SUMF1: variants seen among roughly 807,000 people sequenced by gnomAD.
SUMF1 encodes sulfatase modifying factor 1, also known as formylglycine-generating enzyme.
Under a neutral mutation model 47.6 loss-of-function variants are expected in SUMF1, and 48 were observed. The ratio of observed to expected loss-of-function variants is 1.01; its 90% CI spans 0.80 to 1.28. SUMF1 has a LOEUF of 1.28. Among genes scored for constraint, SUMF1 ranks in the 50% most tolerant of loss-of-function variants. The probability of loss-of-function intolerance (pLI) is 0.00; values close to 1 mark genes in which losing one functional copy is unlikely to be tolerated. For synonymous variants in SUMF1, 230 were observed against 192.1 expected (o/e 1.20, Z -1.63); for missense variants, 571 against 485.4 (o/e 1.18, Z -1.66).
At chr3:4,218,636 G>A (rs1695992570) in intron 8 of SUMF1, among the ~76,000 whole-genome samples, 1 of 152,124 alleles carries the variant, frequency 6.6e-6, no homozygotes, top group South Asian at 2.1e-4. Flanking sequence ...CTGTGAATGC[G>A]GGCCAGGCCA....
At chr3:4,442,632 AAAAAGGAAAAAAAAAAAAAAGAGAGAG>A (rs1296297877) in intron 3 of SUMF1, among the ~76,000 whole-genome samples, 1,528 of 33,922 alleles carry the variant, frequency 0.045, 15 homozygotes, top group Non-Finnish European at 0.16. Flanking sequence ...GACAAGAGAG[AAAAAGGAAAAAAAAAAAAAAGAGAGAG>A]AAAAAGGAAA....
At chr3:4,405,813 A>C (rs1300419935) in intron 7 of SUMF1, among the ~76,000 whole-genome samples, 1 of 152,234 alleles carries the variant, frequency 6.6e-6, no homozygotes, top group Non-Finnish European at 1.5e-5. Context: ...AACAAACTGA[A>C]TCTCTGGCTA....
chr3:4,123,118 T>C (rs376418112), intron 8 of SUMF1, among the ~76,000 whole-genome samples: 30 of 152,220 alleles, frequency 2.0e-4, no homozygotes, highest in East Asian at 1.4e-3. Flanking sequence ...ATTCAGATAA[T>C]TGATCACAGC....
intron 8 of SUMF1, among the ~76,000 whole-genome samples, chr3:4,096,924 G>A (rs1301734403): frequency 6.6e-6 from 1 of 152,024 alleles, no homozygotes; most frequent in Non-Finnish European, 1.5e-5. Flanking sequence ...AGAGAAACTG[G>A]ATTATTAGGA....
chr3:4,442,052 G>A (rs560216733), intron 3 of SUMF1, among the ~76,000 whole-genome samples: 10 of 152,262 alleles, frequency 6.6e-5, no homozygotes, highest in African/African-American at 2.4e-4. Context: ...TTGGGCAGGA[G>A]AAAGAAAAGA....
intron 8 of SUMF1, among the ~76,000 whole-genome samples, chr3:4,071,230 C>G (rs960670989): frequency 1.3e-5 from 2 of 152,038 alleles, no homozygotes; most frequent in Non-Finnish European, 2.9e-5. Context: ...CCAGCGAGAT[C>G]GACACAGAAG....
intron 8 of SUMF1, among the ~76,000 whole-genome samples, chr3:4,259,769 T>G (rs1403952612): frequency 6.6e-6 from 1 of 152,190 alleles, no homozygotes; most frequent in African/African-American, 2.4e-5. Context: ...TATTACATTT[T>G]TTCAGATTAC....
At chr3:4,084,231 G>C (rs17039806) in intron 8 of SUMF1, among the ~76,000 whole-genome samples, 3,834 of 152,156 alleles carry the variant, frequency 0.025, 189 homozygotes, top group African/African-American at 0.086. Context: ...TGCCAGTCAA[G>C]TCCAGGAAAA....
intron 8 of SUMF1, among the ~76,000 whole-genome samples, chr3:4,185,472 T>C (rs1695182166): frequency 6.6e-6 from 1 of 152,212 alleles, no homozygotes; most frequent in Non-Finnish European, 1.5e-5. Context: ...TGAATGCTTT[T>C]ATGCTTTCTG....
At position 4,200,542 on chromosome 3, in the gene SUMF1, T is replaced by C. The variant is rs117332021; in HGVS notation, c.1015-131797A>G. Among the ~76,000 whole-genome samples, 308 of 152,268 alleles carry C rather than the reference T, an allele frequency of 2.0e-3. 1 individual carries two copies. Among genetic ancestry groups the C allele is most frequent in the East Asian group, 0.02 (103 of 5,180 alleles). On this transcript the variant is annotated intron_variant and NMD_transcript_variant, in intron 8 of 12. Transcript: ENST00000448413. ...AGCAGCTCTCTGGGTTCTAAGGTTT[T>C]CACGCTCAAACTTAGAGTTACACCA... is the stretch of plus-strand genomic sequence containing the variant.
At chr3:4,182,971 C>T (rs190408371) in intron 8 of SUMF1, among the ~76,000 whole-genome samples, 1 of 152,168 alleles carries the variant, frequency 6.6e-6, no homozygotes, top group Non-Finnish European at 1.5e-5. Flanking sequence ...ATCTTGGACT[C>T]GGGGCCCCAG....
intron 8 of SUMF1, among the ~76,000 whole-genome samples, chr3:4,130,909 C>T (rs1574910057): frequency 6.6e-6 from 1 of 152,092 alleles, no homozygotes; most frequent in Admixed American, 6.6e-5. Context: ...GGCCATATGA[C>T]CCAACAGATC....
intron 8 of SUMF1, among the ~76,000 whole-genome samples, chr3:4,104,672 C>CTCTCTCTG (rs1406876841): frequency 6.7e-4 from 102 of 151,788 alleles, no homozygotes; most frequent in African/African-American, 2.3e-3. Context: ...CGATTTCTCT[C>CTCTCTCTG]TCTCTCTCTC....
At chr3:4,411,228 T>A (rs150120191) in intron 6 of SUMF1, among the ~76,000 whole-genome samples, 58 of 152,310 alleles carry the variant, frequency 3.8e-4, no homozygotes, top group African/African-American at 1.3e-3. Flanking sequence ...GAGAAATTAT[T>A]CCTAATAGAG....
chr3:4,035,920 G>A (rs978183030), intron 9 of SUMF1, among the ~76,000 whole-genome samples: 2 of 152,144 alleles, frequency 1.3e-5, no homozygotes, highest in Admixed American at 6.5e-5. Context: ...AGTGGACAGG[G>A]TTGAGAAATG....
At position 4,373,137 on chromosome 3, in the gene SUMF1, T is replaced by C. The variant is rs74787108; in HGVS notation, c.1014+3193A>G. ...AATCAACCACTAAGATTATAAAACA[T>C]AGAGTTACAACTAATAAGCATAAGG... On this transcript the variant is annotated intron_variant, in intron 8 of 8. Transcript: ENST00000272902. Among the ~76,000 whole-genome samples, 567 of 152,118 alleles carry C rather than the reference T, an allele frequency of 3.7e-3. 5 individuals are homozygous for C. The highest frequency in any genetic ancestry group is 0.013 in the African/African-American group (540 of 41,506).
At chr3:4,356,577 C>T (rs1252017894), downstream of SUMF1, among the ~76,000 whole-genome samples, 1 of 144,490 alleles carries the variant, frequency 6.9e-6, no homozygotes, top group African/African-American at 2.7e-5. Flanking sequence ...TAAATACATA[C>T]AATTTTTTTT....
intron 8 of SUMF1, among the ~76,000 whole-genome samples, chr3:4,108,811 T>C (rs1204571769): frequency 3.9e-5 from 6 of 152,150 alleles, no homozygotes; most frequent in Non-Finnish European, 8.8e-5. Flanking sequence ...TTTGAGCCTA[T>C]GTGTGTCCCT....
At chr3:4,069,309 AG>A (rs1695459892) in intron 8 of SUMF1, among the ~76,000 whole-genome samples, 1 of 152,168 alleles carries the variant, frequency 6.6e-6, no homozygotes, top group South Asian at 2.1e-4. Flanking sequence ...AAATGCAAGT[AG>A]GTCCCACTTC....
Sources: allele counts gnomAD v4.1 joint callset (sites outside exome capture counted in the v4.1 genomes callset), GRCh38; gene constraint gnomAD v4.1.1; transcripts MANE v1.5; gene names NCBI Gene and HGNC (gene_info 2026-07-23, HGNC 2026-07-21).